CACNA2D3: variants seen among roughly 807,000 people sequenced by gnomAD.
CACNA2D3 encodes the protein calcium voltage-gated channel auxiliary subunit alpha2delta 3.
In CACNA2D3, 60 loss-of-function variants were observed where a neutral mutation model predicts 160.6. The ratio of observed to expected loss-of-function variants is 0.37; its 90% CI spans 0.30 to 0.46. The LOEUF is 0.46. Ranked by LOEUF, CACNA2D3 falls within the 20% of genes least tolerant of loss-of-function variation. CACNA2D3 has a pLI of 1.00. For missense variants in CACNA2D3, 1,205 were observed against 1,365.0 expected (o/e 0.88, Z 1.85); for synonymous variants, 558 against 492.9 (o/e 1.13, Z -1.75).
chr3:54,652,460 C>G (rs954787352), intron 11 of CACNA2D3, among the ~76,000 whole-genome samples: 1 of 152,102 alleles, frequency 6.6e-6, no homozygotes, highest in Non-Finnish European at 1.5e-5. Context: ...CAAACAAGAA[C>G]CTGAGACAGA....
At chr3:54,394,308 G>A (rs1034055942) in intron 4 of CACNA2D3, among the ~76,000 whole-genome samples, 1 of 144,556 alleles carries the variant, frequency 6.9e-6, no homozygotes. Context: ...CCCTGCCTTG[G>A]AGAGTGAACA....
intron 11 of CACNA2D3, among the ~76,000 whole-genome samples, chr3:54,678,012 T>C (rs1393667592): frequency 6.6e-6 from 1 of 152,138 alleles, no homozygotes; most frequent in Non-Finnish European, 1.5e-5. Context: ...TCGATTATTT[T>C]AAAAAGGCAC....
chr3:55,057,279 A>G (rs914030571), intron 35 of CACNA2D3, among the ~76,000 whole-genome samples: 3 of 152,240 alleles, frequency 2.0e-5, no homozygotes, highest in Non-Finnish European at 4.4e-5. Context: ...TATTAGCAGC[A>G]TGAGAATAAT....
rs149815407 is a variant in CACNA2D3, at chr3:54,205,321, G to C, written c.204+81727G>C. Among the ~76,000 whole-genome samples the C allele has an allele frequency of 4.7e-3, 718 of 152,266 alleles. 8 individuals carry two copies. Among genetic ancestry groups the C allele is most frequent in the Admixed American group, 4.0e-3 (61 of 15,298 alleles). ...TTGGCCAGGCTGGTCTCGAACTCCT[G>C]ACCTCAGGTGATCCACCCGCCTTGG... On this transcript the variant is annotated intron_variant, in intron 2 of 37. Transcript: ENST00000474759.
intron 4 of CACNA2D3, among the ~76,000 whole-genome samples, chr3:54,455,306 G>T (rs1700378025): frequency 6.6e-6 from 1 of 151,992 alleles, no homozygotes; most frequent in Admixed American, 6.6e-5. Context: ...AGATGATATT[G>T]TGGTTTTGAT....
chr3:54,543,912 C>A (rs552497755), intron 5 of CACNA2D3, among the ~76,000 whole-genome samples: 52 of 152,202 alleles, frequency 3.4e-4, no homozygotes, highest in African/African-American at 1.2e-3. Context: ...AACATTTGAA[C>A]CTTTTTTTCT....
intron 27 of CACNA2D3, among the ~76,000 whole-genome samples, chr3:54,944,324 T>G (rs1322153851): frequency 6.6e-6 from 1 of 152,174 alleles, no homozygotes; most frequent in Non-Finnish European, 1.5e-5. Context: ...CACGTTTTCT[T>G]TTCCCAACAT....
intron 11 of CACNA2D3, among the ~76,000 whole-genome samples, chr3:54,646,144 T>C (rs188949138): frequency 0.3 from 8,748 of 29,466 alleles, 1,296 homozygotes; most frequent in Non-Finnish European, 0.47. Flanking sequence ...CCTTCCTTCC[T>C]TCCTTCCCTC....
At chr3:55,050,294 G>A (rs1170681409) in intron 35 of CACNA2D3, among the ~76,000 whole-genome samples, 8 of 151,656 alleles carry the variant, frequency 5.3e-5, no homozygotes, top group African/African-American at 4.9e-5. Flanking sequence ...TGTAAGGCAG[G>A]CCTGGTGGTG....
At chr3:54,385,142 T>C (rs573970951) in intron 3 of CACNA2D3, among the ~76,000 whole-genome samples, 3 of 152,308 alleles carry the variant, frequency 2.0e-5, no homozygotes, top group South Asian at 2.1e-4. Flanking sequence ...TCTCAAACTT[T>C]AGTGGCATCA....
intron 2 of CACNA2D3, among the ~76,000 whole-genome samples, chr3:54,189,085 C>T (rs1022130698): frequency 1.3e-5 from 2 of 152,230 alleles, no homozygotes; most frequent in African/African-American, 4.8e-5. Context: ...AAAGTAACCC[C>T]TGCTTGAGGG....
chr3:54,781,893 T>A (rs1472975751), intron 13 of CACNA2D3, among the ~76,000 whole-genome samples: 1 of 152,192 alleles, frequency 6.6e-6, no homozygotes, highest in Non-Finnish European at 1.5e-5. Flanking sequence ...GTCAGGTAAC[T>A]GAGAGGCCTG....
intron 2 of CACNA2D3, among the ~76,000 whole-genome samples, chr3:54,290,989 A>G (rs1255812342): frequency 6.6e-6 from 1 of 152,178 alleles, no homozygotes; most frequent in African/African-American, 2.4e-5. Context: ...GCACACCAAC[A>G]TGGCACATGT....
chr3:54,396,597 T>C (rs1699363429), intron 4 of CACNA2D3, among the ~76,000 whole-genome samples: 1 of 15,596 alleles, frequency 6.4e-5, no homozygotes, highest in Admixed American at 9.7e-4. Flanking sequence ...TCTTTGGCTC[T>C]GTTTATATGC....
At chr3:54,201,477 CA>C (rs1219207547) in intron 2 of CACNA2D3, among the ~76,000 whole-genome samples, 2 of 152,172 alleles carry the variant, frequency 1.3e-5, no homozygotes, top group African/African-American at 4.8e-5. Context: ...ACGTAGACTC[CA>C]ACCCTTATGG....
In CACNA2D3 at chr3:55,041,202, G is replaced by T. The variant is rs1250973342; in HGVS notation, c.2987+22885G>T. Among the ~76,000 whole-genome samples, 4 of 152,188 alleles carry T rather than the reference G, an allele frequency of 2.6e-5. No homozygotes were observed. In the South Asian group the frequency reaches 8.3e-4, roughly 32 times the overall value. ...TACTCATTGACATTCAGGTTACTTC[G>T]AGCCTTGTCTTATTACACATGATCT... On this transcript the variant is annotated intron_variant, in intron 35 of 37. Coordinates refer to ENST00000474759, the MANE Select transcript of CACNA2D3 (RefSeq NM_018398.3).
At chr3:54,584,505 G>C (rs1260860008) in intron 9 of CACNA2D3, among the ~76,000 whole-genome samples, 1 of 151,890 alleles carries the variant, frequency 6.6e-6, no homozygotes, top group African/African-American at 2.4e-5. Flanking sequence ...AAAATAGACT[G>C]GACCAAAATG....
intron 4 of CACNA2D3, among the ~76,000 whole-genome samples, chr3:54,453,283 G>C (rs1201340940): frequency 6.6e-6 from 1 of 152,132 alleles, no homozygotes; most frequent in Admixed American, 6.5e-5. Context: ...ATGAGCCACT[G>C]TGCCCAGCCT....
At chr3:54,918,763 T>A (rs371576054) in intron 27 of CACNA2D3, 10 of 1,614,052 alleles carry the variant, frequency 6.2e-6, no homozygotes, top group Non-Finnish European at 8.5e-6. Context: ...GCCGGGCCAC[T>A]GAGCCTGCGA....
Sources: gnomAD v4.1 joint callset for allele counts (sites outside exome capture counted in the v4.1 genomes callset) on GRCh38, gnomAD v4.1.1 for gene constraint, MANE v1.5 for transcripts, NCBI Gene and HGNC (gene_info 2026-07-23, HGNC 2026-07-21) for gene names.